Variants in DPP6 observed in about 807,000 individuals in gnomAD.
The protein encoded by DPP6 is A-type potassium channel modulatory protein DPP6.
In DPP6, 69 loss-of-function variants were observed where a neutral mutation model predicts 122.6. The ratio of observed to expected loss-of-function variants is 0.56; its 90% CI spans 0.46 to 0.69. The LOEUF is 0.69. Ranked by LOEUF, DPP6 falls within the 30% of genes least tolerant of loss-of-function variation. The pLI is 0.00. For synonymous variants in DPP6, 418 were observed against 433.1 expected (o/e 0.97, Z 0.43); for missense variants, 928 against 1,116.9 (o/e 0.83, Z 2.41).
chr7:154,392,584 T>G (rs1467878935), intron 1 of DPP6, among the ~76,000 whole-genome samples: 1 of 152,138 alleles, frequency 6.6e-6, no homozygotes, highest in Admixed American at 6.5e-5. Flanking sequence ...TGACTTAGGG[T>G]AGATGTTGGA....
At chr7:154,448,008 G>A (rs1300034825) in intron 2 of DPP6, among the ~76,000 whole-genome samples, 2 of 152,184 alleles carry the variant, frequency 1.3e-5, no homozygotes, top group Non-Finnish European at 1.5e-5. Context: ...AAGACCAGGA[G>A]ATGGTAGACA....
chr7:154,324,654 G>A (rs1028430661), intron 1 of DPP6, among the ~76,000 whole-genome samples: 13 of 152,052 alleles, frequency 8.5e-5, no homozygotes, highest in African/African-American at 2.2e-4. Flanking sequence ...CACCTTGTTC[G>A]TTTCACCCAG....
chr7:154,431,419 A>G (rs535041677), intron 1 of DPP6, among the ~76,000 whole-genome samples: 6 of 114,974 alleles, frequency 5.2e-5, no homozygotes, highest in Non-Finnish European at 1.0e-4. Context: ...TCAAAACCTC[A>G]TGTCAGGCTC....
intron 3 of DPP6, among the ~76,000 whole-genome samples, chr7:154,478,013 T>TA (rs1475983909): frequency 6.6e-6 from 1 of 152,006 alleles, no homozygotes; most frequent in East Asian, 1.9e-4. Context: ...TTTTTTTTTT[T>TA]ATCTTATTCC....
intron 1 of DPP6, among the ~76,000 whole-genome samples, chr7:154,341,336 C>T (rs1055301061): frequency 3.9e-5 from 6 of 152,026 alleles, no homozygotes; most frequent in African/African-American, 1.4e-4. Context: ...TGGCTGTGGT[C>T]CACCTGGAGA....
intron 7 of DPP6, among the ~76,000 whole-genome samples, chr7:154,707,339 G>C (rs1414146338): frequency 1.3e-5 from 2 of 152,126 alleles, no homozygotes; most frequent in Non-Finnish European, 2.9e-5. Context: ...GTATTTTGTG[G>C]ATAAGAAAAT....
chr7:153,878,766 C>T, the DPP6 span, among the ~76,000 whole-genome samples: 2 of 151,902 alleles, frequency 1.3e-5, no homozygotes, highest in Non-Finnish European at 1.5e-5. Context: ...CTCTAAATGT[C>T]GTACTTCAAC....
intron 17 of DPP6, among the ~76,000 whole-genome samples, chr7:154,855,572 T>C (rs540465306): frequency 3.3e-5 from 5 of 152,182 alleles, no homozygotes; most frequent in Non-Finnish European, 7.3e-5. Flanking sequence ...TTGGGCGCGA[T>C]TGCCTGGGTC....
intron 7 of DPP6, among the ~76,000 whole-genome samples, chr7:154,694,462 A>C (rs1840101402): frequency 6.6e-6 from 1 of 152,150 alleles, no homozygotes; most frequent in Non-Finnish European, 1.5e-5. Context: ...AAATACAAAA[A>C]TTAGCCAGGC....
chr7:154,558,994 TA>T (rs1203684799), intron 4 of DPP6, among the ~76,000 whole-genome samples: 1 of 152,024 alleles, frequency 6.6e-6, no homozygotes, highest in African/African-American at 2.4e-5. Context: ...AATTTAAAAA[TA>T]AAACATGATA....
intron 1 of DPP6, among the ~76,000 whole-genome samples, chr7:154,444,018 A>G (rs148385608): frequency 6.6e-6 from 1 of 152,328 alleles, no homozygotes; most frequent in African/African-American, 2.4e-5. Context: ...CCTGCAAGTT[A>G]GGAGGAAGTC....
chr7:154,723,845 G>A (rs759160347), intron 7 of DPP6, among the ~76,000 whole-genome samples: 9 of 152,112 alleles, frequency 5.9e-5, no homozygotes, highest in Non-Finnish European at 7.3e-5. Context: ...CTCTTGGTCC[G>A]CATGCCTGAT....
intron 10 of DPP6, among the ~76,000 whole-genome samples, chr7:154,779,013 A>AT (rs1379741780): frequency 7.1e-3 from 79 of 11,150 alleles, no homozygotes; most frequent in Middle Eastern, 0.083. Context: ...CACCACCAGC[A>AT]CCCCACCATC....
the DPP6 span, among the ~76,000 whole-genome samples, chr7:153,849,130 C>T: frequency 6.6e-6 from 1 of 152,124 alleles, no homozygotes; most frequent in Non-Finnish European, 1.5e-5. Context: ...TTATTTTCTT[C>T]TACTGAAATA....
chr7:154,151,672 C>T (rs1286533323), intron 1 of DPP6, among the ~76,000 whole-genome samples: 1 of 151,994 alleles, frequency 6.6e-6, no homozygotes, highest in East Asian at 1.9e-4. Context: ...ACAGTGCGTG[C>T]GTGCACTTCC....
At chr7:154,608,757 T>C (rs939181481) in intron 5 of DPP6, among the ~76,000 whole-genome samples, 26 of 152,188 alleles carry the variant, frequency 1.7e-4, no homozygotes, top group Admixed American at 9.2e-4. Flanking sequence ...TAATAATCAT[T>C]ACTGATTTAT....
intron 1 of DPP6, among the ~76,000 whole-genome samples, chr7:154,193,266 A>C (rs1004917688): frequency 2.0e-5 from 3 of 152,238 alleles, no homozygotes; most frequent in Non-Finnish European, 4.4e-5. Flanking sequence ...AGACCTGTAC[A>C]AGACATCTTG....
intron 8 of DPP6, among the ~76,000 whole-genome samples, chr7:154,739,195 G>T (rs923587383): frequency 8.5e-5 from 13 of 152,208 alleles, no homozygotes; most frequent in Non-Finnish European, 2.9e-5. Context: ...GTTCCAGGAA[G>T]TAGCACTGAG....
intron 3 of DPP6, among the ~76,000 whole-genome samples, chr7:154,491,029 TC>T (rs1824235128): frequency 6.6e-6 from 1 of 152,228 alleles, no homozygotes; most frequent in South Asian, 2.1e-4. Flanking sequence ...TGTGTGATGG[TC>T]AGCGACTGAG....
Sources: gnomAD v4.1 joint callset for allele counts (sites outside exome capture counted in the v4.1 genomes callset) on GRCh38, gnomAD v4.1.1 for gene constraint, MANE v1.5 for transcripts, NCBI Gene and HGNC (gene_info 2026-07-23, HGNC 2026-07-21) for gene names.